The following NFS1 variants were observed in gnomAD, a reference collection of about 807,000 sequenced individuals.
NFS1 encodes the protein cysteine desulfurase.
A neutral mutation model predicts 57.3 loss-of-function variants in NFS1; 26 were observed. The ratio of observed to expected loss-of-function variants is 0.45; its 90% CI spans 0.33 to 0.63. The LOEUF (loss-of-function observed/expected upper bound fraction) is 0.63. Ranked by LOEUF, NFS1 falls within the 20% of genes least tolerant of loss-of-function variation. NFS1 has a pLI of 0.02. For synonymous variants in NFS1, 209 were observed against 216.3 expected (o/e 0.97, Z 0.30); for missense variants, 505 against 605.8 (o/e 0.83, Z 1.75).
intron 4 of NFS1, among the ~76,000 whole-genome samples, chr20:35,695,218 ACT>A (rs2035113021): frequency 6.6e-6 from 1 of 151,988 alleles, no homozygotes; most frequent in South Asian, 2.1e-4. Context: ...CTTCACCCCG[ACT>A]CTCTGGTCTC....
At chr20:35,680,964 T>G in intron 6 of NFS1, 93 bp from the exon 7 acceptor site, 1 of 1,095,836 alleles carries the variant, frequency 9.1e-7, no homozygotes. Context: ...CAATAGTAAA[T>G]GACCTGTAAA....
At chr20:35,678,177 G>A (rs1257574361) in intron 7 of NFS1, among the ~76,000 whole-genome samples, 13 of 150,760 alleles carry the variant, frequency 8.6e-5, no homozygotes, top group African/African-American at 2.4e-4. Context: ...GTGAAACCCC[G>A]TCTCTACAAA....
chr20:35,678,226 G>C (rs866854754), intron 7 of NFS1, among the ~76,000 whole-genome samples: 9 of 152,184 alleles, frequency 5.9e-5, no homozygotes, highest in Middle Eastern at 3.4e-3. Flanking sequence ...GTGGTGGCAA[G>C]CGCCTGTAGT....
intron 7 of NFS1, among the ~76,000 whole-genome samples, chr20:35,679,614 TAA>T (rs772041849): frequency 3.9e-5 from 6 of 152,206 alleles, no homozygotes; most frequent in African/African-American, 1.4e-4. Context: ...AACATTTTAT[TAA>T]AAGACAGAAC....
In NFS1 at chr20:35,673,618, T is replaced by C. The variant is rs772249558; in HGVS notation, c.1203A>G (p.Leu401=). Residue 401 remains leucine (L), a synonymous_variant, in exon 11 of 13, where the codon TTA becomes TTG. Transcript: ENST00000374092. ...TCACTGACCTGATAGAAGAGTGCGC[T>C]AAATCCTCATCAGTGCCAATTGCTC... ...VLRAIGTDED[L]AHSSIRFGIG... is the part of the protein sequence containing the mutation. The C allele has an allele frequency of 6.2e-7, 1 of 1,613,874 alleles. No individual in the cohort carries two copies.
Position 35,681,907 on chromosome 20 carries a change from C to A in NFS1, c.636G>T (p.Lys212Asn), listed in dbSNP as rs376256909. The change falls in exon 6 of 13, where the codon AAG becomes AAT. Residue 212 changes from lysine to asparagine, a missense_variant. Coordinates refer to ENST00000374092, the MANE Select transcript of NFS1 (RefSeq NM_021100.5). ...VMTVNNEIGV[K>N]QPIAEIGRIC... ...ACTCACCTATTTCTGCAATAGGCTG[C>A]TTCACTCCAATCTCATTGTTCACAG... The A allele has an allele frequency of 5.0e-6, 8 of 1,610,958 alleles. No individual in the cohort carries two copies. The African/African-American group carries it at 9.4e-5, about 19-fold the overall frequency.
intron 5 of NFS1, chr20:35,682,934 T>C (rs2034874021): frequency 6.0e-6 from 1 of 165,454 alleles, no homozygotes; most frequent in Admixed American, 6.4e-5. Context: ...AAAAATTAGC[T>C]GGGTGTGGTG....
intron 1 of NFS1, chr20:35,698,883 G>A (rs2035192125): frequency 3.0e-6 from 4 of 1,336,642 alleles, no homozygotes; most frequent in Non-Finnish European, 3.8e-6. Flanking sequence ...GCCAGAGTAG[G>A]TGCAGTCCCT....
chr20:35,672,937 A>G, intron 11 of NFS1, 93 bp from the exon 12 acceptor site: 1 of 728,552 alleles, frequency 1.4e-6, no homozygotes, highest in Non-Finnish European at 2.3e-6. Flanking sequence ...CTACGACACA[A>G]AAGATATGGA....
chr20:35,685,101 A>G (rs1294317340), intron 5 of NFS1, among the ~76,000 whole-genome samples: 1 of 151,512 alleles, frequency 6.6e-6, no homozygotes, highest in African/African-American at 2.4e-5. Flanking sequence ...TGGCCAGGCT[A>G]GTCTCGAACT....
In NFS1 at chr20:35,672,935, CAA is replaced by C; in HGVS notation, c.1221-93_1221-92del. On this transcript the variant is annotated intron_variant, in intron 11 of 12. Transcript: ENST00000374092. ...AAATACTCACTAAGGATCTACGACA[CAA>C]AAGATATGGAGAGAAGAACATGGTC... The C allele has an allele frequency of 5.4e-6, 4 of 736,854 alleles. 1 individual carries two copies. In the South Asian group the frequency reaches 7.0e-5, roughly 13 times the overall value. The allele number at this position is 736,854 out of a possible 1,614,324, so 45.6% of individuals were successfully genotyped here.
chr20:35,669,439 C>T lies in NFS1; in HGVS notation c.*183G>A. 1 of 603,540 alleles carries T rather than the reference C, an allele frequency of 1.7e-6. No individual in the cohort carries two copies. The highest frequency in any genetic ancestry group is 3.0e-6 in the Non-Finnish European group (1 of 330,820). 37.4% of individuals were successfully genotyped at this position (603,540 alleles called of 1,614,324 possible). A position where few individuals can be genotyped will look rare whatever the true frequency, so the allele number is the denominator to read the frequency against. On this transcript the variant is annotated 3_prime_UTR_variant, in exon 13 of 13. Coordinates refer to ENST00000374092, the MANE Select transcript of NFS1 (RefSeq NM_021100.5). ...AGAAGAAATGGGGAGTGCTCCACACCCAAGGAACTGAAGCTAGGGAAAGAC... is the reference window on the plus strand; with the variant it reads ...AGAAGAAATGGGGAGTGCTCCACACTCAAGGAACTGAAGCTAGGGAAAGAC...
chr20:35,672,748 T>C lies in NFS1; in HGVS notation c.1310+7A>G, dbSNP rs752983893. 3 of 1,579,060 alleles carry C rather than the reference T, an allele frequency of 1.9e-6. No individual in the cohort carries two copies. Among genetic ancestry groups the C allele is most frequent in the African/African-American group, 2.7e-5 (2 of 74,276 alleles). On this transcript the variant is annotated splice_region_variant and intron_variant, in intron 12 of 12. Transcript: ENST00000374092. Reference sequence around the variant, plus strand: ...CTTCCAAAGCGTCTCTGATACAATATGTATACCTCATTTCTCGAAGACGCT... The same window carrying C: ...CTTCCAAAGCGTCTCTGATACAATACGTATACCTCATTTCTCGAAGACGCT...
intron 5 of NFS1, among the ~76,000 whole-genome samples, chr20:35,689,350 C>T (rs1314402282): frequency 6.6e-6 from 1 of 152,048 alleles, no homozygotes; most frequent in Non-Finnish European, 1.5e-5. Flanking sequence ...TAGAGCCAGG[C>T]ATGGCGGCTC....
chr20:35,687,138 A>G (rs2034958670), intron 5 of NFS1, among the ~76,000 whole-genome samples: 1 of 152,174 alleles, frequency 6.6e-6, no homozygotes, highest in African/African-American at 2.4e-5. Context: ...ACTACTTAGC[A>G]GACCAGGAAA....
At chr20:35,673,784 T>C (rs1248521935) in intron 10 of NFS1, 100 bp from the exon 11 acceptor site, 5 of 833,152 alleles carry the variant, frequency 6.0e-6, no homozygotes, top group African/African-American at 3.4e-5. Flanking sequence ...CCTGGAGTCA[T>C]ACCCTGGAGA....
chr20:35,685,780 C>T (rs1052196429), intron 5 of NFS1, among the ~76,000 whole-genome samples: 1 of 145,562 alleles, frequency 6.9e-6, no homozygotes, highest in African/African-American at 2.5e-5. Context: ...ATTGCTTGAA[C>T]CCGGGAGGCG....
At chr20:35,677,367 A>T (rs1199509917) in intron 7 of NFS1, among the ~76,000 whole-genome samples, 1 of 149,718 alleles carries the variant, frequency 6.7e-6, no homozygotes, top group Admixed American at 6.6e-5. Flanking sequence ...CCCCGTGTCT[A>T]CAAAAAAAAA....
At position 35,676,494 on chromosome 20, in the gene NFS1, G is replaced by A. The variant is rs2146415403; in HGVS notation, c.791-1292C>T. 1.3e-5 allele frequency among the ~76,000 whole-genome samples: 2 copies of A among 151,514 alleles called. 1 individual carries two copies. Among genetic ancestry groups the A allele is most frequent in the South Asian group, 4.2e-4 (2 of 4,810 alleles). On this transcript the variant is annotated intron_variant, in intron 7 of 12. Transcript: ENST00000374092. The stretch of plus-strand genomic sequence containing the variant: ...CCAGCTACTCAGGAGGCTGAGGCAG[G>A]AGAATCGCCTGAACTTGGGAGCCAC...
Sources: gnomAD v4.1 joint callset for allele counts (sites outside exome capture counted in the v4.1 genomes callset) on GRCh38, gnomAD v4.1.1 for gene constraint, MANE v1.5 for transcripts, NCBI Gene and HGNC (gene_info 2026-07-23, HGNC 2026-07-21) for gene names.